DDR2: variants seen among roughly 807,000 people sequenced by gnomAD.
DDR2 encodes discoidin domain-containing receptor 2.
A neutral mutation model predicts 94.9 loss-of-function variants in DDR2; 27 were observed. That is an observed-to-expected ratio of 0.28 (90% confidence interval 0.21 to 0.39). The LOEUF (loss-of-function observed/expected upper bound fraction) is 0.39. Among genes scored for constraint, DDR2 ranks in the 10% least tolerant of loss-of-function variants. The pLI, the probability that DDR2 is intolerant of heterozygous loss-of-function variation, is 1.00. For synonymous variants in DDR2, 382 were observed against 377.2 expected (o/e 1.01, Z -0.15); for missense variants, 783 against 1,076.0 (o/e 0.73, Z 3.81).
chr1:162,707,061 T>A (rs1261396835), intron 2 of DDR2, among the ~76,000 whole-genome samples: 1 of 152,152 alleles, frequency 6.6e-6, no homozygotes. Context: ...ATCCAACTGC[T>A]GAATGAGGCT....
chr1:162,714,321 C>T (rs982060184), intron 2 of DDR2, among the ~76,000 whole-genome samples: 1 of 152,072 alleles, frequency 6.6e-6, no homozygotes, highest in African/African-American at 2.4e-5. Context: ...ATTTTGCTTT[C>T]CATGTCTCAT....
chr1:162,775,319 T>C (rs1647470718), intron 14 of DDR2, among the ~76,000 whole-genome samples: 1 of 152,098 alleles, frequency 6.6e-6, no homozygotes, highest in South Asian at 2.1e-4. Flanking sequence ...AACATTTTAC[T>C]CTGTAGAGTG....
intron 3 of DDR2, among the ~76,000 whole-genome samples, chr1:162,740,798 T>TG (rs2102084002): frequency 6.6e-6 from 1 of 152,144 alleles, no homozygotes; most frequent in East Asian, 1.9e-4. Flanking sequence ...AAATAAACCA[T>TG]GGGTTTGGAA....
chr1:162,771,822 A>G (rs1287921291), intron 12 of DDR2, among the ~76,000 whole-genome samples: 1 of 152,268 alleles, frequency 6.6e-6, no homozygotes, highest in Non-Finnish European at 1.5e-5. Flanking sequence ...GAGGAAAAGA[A>G]TGAGAAATAA....
At chr1:162,659,581 G>A (rs529769630) in intron 2 of DDR2, among the ~76,000 whole-genome samples, 1 of 152,266 alleles carries the variant, frequency 6.6e-6, no homozygotes, top group East Asian at 1.9e-4. Context: ...TGTTGGCTGG[G>A]CTAAGACATC....
chr1:162,636,478 C>T (rs1656827396), intron 1 of DDR2, among the ~76,000 whole-genome samples: 1 of 152,180 alleles, frequency 6.6e-6, no homozygotes, highest in African/African-American at 2.4e-5. Context: ...GTGAGGGGCC[C>T]TTTGGATCTA....
chr1:162,670,737 C>T (rs1658790211), intron 2 of DDR2, among the ~76,000 whole-genome samples: 1 of 152,222 alleles, frequency 6.6e-6, no homozygotes, highest in South Asian at 2.1e-4. Context: ...TTGCTTTAAC[C>T]AAATGCAAAC....
intron 1 of DDR2, among the ~76,000 whole-genome samples, chr1:162,653,967 G>C (rs1365720246): frequency 1.3e-5 from 2 of 152,096 alleles, no homozygotes; most frequent in Non-Finnish European, 2.9e-5. Flanking sequence ...CAGCCCGCCT[G>C]AACACTGTGG....
chr1:162,665,322 A>G (rs979158005), intron 2 of DDR2, among the ~76,000 whole-genome samples: 1 of 152,184 alleles, frequency 6.6e-6, no homozygotes, highest in Non-Finnish European at 1.5e-5. Context: ...CACCTGTAAA[A>G]CAAGGGACTA....
At chr1:162,725,838 GA>G (rs1661639985) in intron 3 of DDR2, among the ~76,000 whole-genome samples, 1 of 152,182 alleles carries the variant, frequency 6.6e-6, no homozygotes, top group African/African-American at 2.4e-5. Context: ...TTTGCAAAAT[GA>G]AAAATGTTTT....
At chr1:162,681,393 G>T (rs1439399072) in intron 2 of DDR2, among the ~76,000 whole-genome samples, 1 of 152,082 alleles carries the variant, frequency 6.6e-6, no homozygotes, top group Non-Finnish European at 1.5e-5. Context: ...ATTTACCAGG[G>T]CATTGTGTCC....
chr1:162,774,478 AAAG>A (rs1647412271), intron 14 of DDR2, among the ~76,000 whole-genome samples: 1 of 152,252 alleles, frequency 6.6e-6, no homozygotes, highest in African/African-American at 2.4e-5. Context: ...GATGTAAGAT[AAAG>A]AAGAGAGAAA....
intron 3 of DDR2, among the ~76,000 whole-genome samples, chr1:162,751,797 C>G (rs546835396): frequency 6.6e-6 from 1 of 152,192 alleles, no homozygotes; most frequent in African/African-American, 2.4e-5. Context: ...CACATATACA[C>G]CATGGAATAC....
chr1:162,702,416 T>C (rs1225165644), intron 2 of DDR2, among the ~76,000 whole-genome samples: 1 of 152,196 alleles, frequency 6.6e-6, no homozygotes, highest in Non-Finnish European at 1.5e-5. Flanking sequence ...ATACCAACAA[T>C]GTATCATCTC....
chr1:162,696,199 C>CT lies in DDR2; in HGVS notation c.-27-22823dup, dbSNP rs34158006. Among the ~76,000 whole-genome samples the CT allele has an allele frequency of 9.5e-3, 1,065 of 112,618 alleles. 8 individuals carry two copies. The highest frequency in any genetic ancestry group is 0.021 in the African/African-American group (714 of 33,930). The allele number at this position is 112,618 out of a possible 152,430, so 73.9% of individuals were successfully genotyped here. On this transcript the variant is annotated intron_variant, in intron 2 of 17. Coordinates refer to ENST00000367921, the MANE Select transcript of DDR2 (RefSeq NM_006182.4). ...GGAAATGTTTTAAATGTTTCTTTTCCTTTTTTTTTTTTTTTAAAAAAAAAA... is the reference window on the plus strand; with the variant it reads ...GGAAATGTTTTAAATGTTTCTTTTCCTTTTTTTTTTTTTTTTAAAAAAAAAA...
In DDR2 at chr1:162,770,397, T is replaced by C. The variant is rs141476528; in HGVS notation, c.1389T>C (p.Ser463=). ...MFNNNRSSSP[S]EQGSNSTYDR... The stretch of plus-strand genomic sequence containing the variant: ...ACAATAACCGCTCCTCATCACCTAG[T>C]GAACAAGGGTCCAACTCGACTTACG... The change falls in exon 12 of 18, where the codon AGT becomes AGC. Residue 463 remains serine, a synonymous_variant. Transcript: ENST00000367921. The C allele has an allele frequency of 2.9e-4, 464 of 1,614,034 alleles. No individual in the cohort carries two copies. Among genetic ancestry groups the C allele is most frequent in the Non-Finnish European group, 3.7e-4 (440 of 1,180,024 alleles).
chr1:162,638,978 A>G (rs6671267), intron 1 of DDR2, among the ~76,000 whole-genome samples: 6,841 of 148,392 alleles, frequency 0.046, 236 homozygotes, highest in East Asian at 0.13. Flanking sequence ...TTCTTTTTCT[A>G]TCTTTGAGAC....
In DDR2 at chr1:162,719,524, G is replaced by C. The variant is rs979771772; in HGVS notation, c.82+379G>C. Among the ~76,000 whole-genome samples the C allele has an allele frequency of 1.6e-4, 25 of 152,206 alleles. No individual in the cohort carries two copies. The East Asian group carries it at 2.5e-3, about 15-fold the overall frequency. On this transcript the variant is annotated intron_variant, in intron 3 of 17. Transcript: ENST00000367921. ...TTACCAGTTGTTTTGGGCTGTCTTA[G>C]ACTTTGATTTTACTTGGATGTCCTG...
intron 2 of DDR2, among the ~76,000 whole-genome samples, chr1:162,708,089 CTT>C (rs1660737953): frequency 6.6e-6 from 1 of 152,120 alleles, no homozygotes; most frequent in Non-Finnish European, 1.5e-5. Context: ...GTCTCTGTCT[CTT>C]TGTGGTAAAA....
Sources: allele counts gnomAD v4.1 joint callset (sites outside exome capture counted in the v4.1 genomes callset), GRCh38; gene constraint gnomAD v4.1.1; transcripts MANE v1.5; gene names NCBI Gene and HGNC (gene_info 2026-07-23, HGNC 2026-07-21).